PFAS: variants seen among roughly 807,000 people sequenced by gnomAD.
The protein encoded by PFAS is phosphoribosylformylglycinamidine synthase.
A neutral mutation model predicts 140.6 loss-of-function variants in PFAS; 97 were observed. The observed-to-expected ratio is 0.69, with a 90% CI of 0.59 to 0.82. The LOEUF (loss-of-function observed/expected upper bound fraction) is 0.82. Among genes scored for constraint, PFAS ranks in the 40% least tolerant of loss-of-function variants. PFAS has a pLI of 0.00. For synonymous variants in PFAS, 679 were observed against 718.8 expected (o/e 0.94, Z 0.88); for missense variants, 1,656 against 1,780.2 (o/e 0.93, Z 1.26).
At chr17:8,256,234 C>T (rs762966351) in intron 6 of PFAS, 33 bp from the exon 7 acceptor site, 1 of 1,606,660 alleles carries the variant, frequency 6.2e-7, no homozygotes, top group Non-Finnish European at 8.5e-7. Context: ...CCCGTTTCCA[C>T]CTGCCTTCCC....
Position 8,267,320 on chromosome 17 carries a change from G to C in PFAS, c.3176-52G>C. On this transcript the variant is annotated intron_variant, in intron 24 of 27. Coordinates refer to ENST00000314666, the MANE Select transcript of PFAS (RefSeq NM_012393.3). The surrounding 1 kb of genome is among the most constrained non-coding windows in gnomAD (Gnocchi z 4.9). ...CTGCCCTCAGAAAGGTGTCTGGGGA[G>C]TTGGGGTGGGGAAGTGACTTTCTGG... The C allele has an allele frequency of 6.3e-7, 1 of 1,596,200 alleles. No individual in the cohort carries two copies. The highest frequency in any genetic ancestry group is 2.2e-5 in the East Asian group (1 of 44,748).
intron 13 of PFAS, 138 bp downstream of exon 13, chr17:8,263,403 G>C: frequency 1.8e-6 from 2 of 1,119,878 alleles, no homozygotes; most frequent in South Asian, 2.8e-5. Context: ...TTCTAGACAG[G>C]TTCAGGGTTG....
At position 8,268,595 on chromosome 17, in the gene PFAS, C is replaced by T. The variant is rs748046422; in HGVS notation, c.3445C>T (p.Arg1149Trp). 2.4e-5 allele frequency: 38 copies of T among 1,612,984 alleles called. No homozygotes were observed. The highest frequency in any genetic ancestry group is 1.8e-4 in the Middle Eastern group (1 of 5,524). ...GGCTGAGCTGAGGCGCTTCCGGAAGCGGCCAGACACCTTCAGCCTGGGCGT... is the reference window on the plus strand; with the variant it reads ...GGCTGAGCTGAGGCGCTTCCGGAAGTGGCCAGACACCTTCAGCCTGGGCGT... ...AGAELRRFRKRPDTFSLGVCN... is the reference protein window; with the variant it reads ...AGAELRRFRKWPDTFSLGVCN... The change falls in exon 27 of 28, where the codon CGG becomes TGG. Residue 1149 changes from arginine (R) to tryptophan (W), a missense_variant. Physicochemically the swap from Arg to Trp is moderately radical, Grantham distance 101. This residue lies in a region of PFAS where 883 missense variants were observed against 1,023.0 expected (regional missense o/e 0.86). Transcript: ENST00000314666.
rs1405756147 is a variant in PFAS, at chr17:8,256,666, G to C, written c.946+18G>C. On this transcript the variant is annotated intron_variant, in intron 8 of 27. Coordinates refer to ENST00000314666, the MANE Select transcript of PFAS (RefSeq NM_012393.3). The stretch of plus-strand genomic sequence containing the variant: ...TCCCACAGGTGAGCTGGGTTCCCTG[G>C]AGAAATAGGTGAGATCACAGAATAG... 1 of 1,613,606 alleles carries C rather than the reference G, an allele frequency of 6.2e-7. No homozygotes were observed. The highest frequency in any genetic ancestry group is 1.1e-5 in the South Asian group (1 of 91,028).
chr17:8,247,979 C>G, upstream of PFAS: 2 of 1,602,714 alleles, frequency 1.2e-6, no homozygotes, highest in Non-Finnish European at 1.7e-6. Context: ...AAAAAAGGAA[C>G]AAGAGACGTA....
intron 1 of PFAS, 43 bp from the exon 2 acceptor site, chr17:8,253,816 G>A: frequency 7.1e-7 from 1 of 1,410,880 alleles, no homozygotes; most frequent in African/African-American, 1.4e-5. Context: ...TGGGGTTACA[G>A]ATGTGAGCCA....
rs924427287 is a variant in PFAS at position 8,269,637 on chromosome 17, G to GCT, written c.*375_*376dup. ...TCCTTGGCTCTGAGGGATGTTTTGC[G>GCT]CTCCCTTTTCTCATCATTGGGGTTA... On this transcript the variant is annotated 3_prime_UTR_variant, in exon 28 of 28. Coordinates refer to ENST00000314666, the MANE Select transcript of PFAS (RefSeq NM_012393.3). 2.8e-5 allele frequency: 6 copies of GCT among 212,356 alleles called. No homozygotes were observed. Among genetic ancestry groups the GCT allele is most frequent in the Non-Finnish European group, 9.5e-6 (1 of 105,172 alleles). 13.2% of individuals were successfully genotyped at this position (212,356 alleles called of 1,614,324 possible). A position where few individuals can be genotyped will look rare whatever the true frequency, so the allele number is the denominator to read the frequency against.
intron 11 of PFAS, 34 bp from the exon 12 acceptor site, chr17:8,262,886 C>T (rs1448360177): frequency 1.3e-6 from 2 of 1,571,510 alleles, no homozygotes; most frequent in African/African-American, 1.3e-5. Context: ...TCGTGGCTTC[C>T]CCAGTGTTCT....
intron 11 of PFAS, among the ~76,000 whole-genome samples, chr17:8,261,919 C>T (rs888267978): frequency 6.6e-6 from 1 of 151,902 alleles, no homozygotes; most frequent in Non-Finnish European, 1.5e-5. Flanking sequence ...TACCCTGGAG[C>T]CCCCAGGCTT....
In PFAS at chr17:8,267,179, G is replaced by A. The variant is rs1989851389; in HGVS notation, c.3119G>A (p.Gly1040Glu). ...GAACGGGGCCTGAGGGAGCGGATGG[G>A]GCCCAGCTATTGCCTGCCCCCCACC... ...EEERGLRERM[G>E]PSYCLPPTFP... The change falls in exon 24 of 28, where the codon GGG (glycine) becomes GAG (glutamate). Residue 1040 changes from glycine (G) to glutamate (E), a missense_variant. Physicochemically the swap from Gly to Glu is moderately conservative, Grantham distance 98. Transcript: ENST00000314666. The surrounding 1 kb of genome is among the most constrained non-coding windows in gnomAD (Gnocchi z 4.9). The A allele has an allele frequency of 1.9e-6, 3 of 1,607,580 alleles. No homozygotes were observed. Among genetic ancestry groups the A allele is most frequent in the Non-Finnish European group, 2.5e-6 (3 of 1,177,670 alleles).
chr17:8,263,027 G>T (rs747771002), intron 12 of PFAS, 34 bp downstream of exon 12: 1 of 1,610,980 alleles, frequency 6.2e-7, no homozygotes, highest in East Asian at 2.2e-5. Context: ...CAGAATCCTT[G>T]ATATAACCGG....
At chr17:8,250,881 T>G (rs1268800408) in intron 1 of PFAS, among the ~76,000 whole-genome samples, 2 of 152,080 alleles carry the variant, frequency 1.3e-5, no homozygotes, top group Non-Finnish European at 2.9e-5. Context: ...GTGAAAATCA[T>G]TGATTGAAGA....
chr17:8,263,442 GA>G, intron 13 of PFAS, 132 bp from the exon 14 acceptor site: 1 of 1,010,064 alleles, frequency 9.9e-7, no homozygotes, highest in Admixed American at 1.8e-5. Flanking sequence ...GCCGTGGGAT[GA>G]TTGGTGGTAA....
upstream of PFAS, among the ~76,000 whole-genome samples, chr17:8,249,071 A>G (rs1989013606): frequency 6.6e-6 from 1 of 152,234 alleles, no homozygotes; most frequent in South Asian, 2.1e-4. Flanking sequence ...TAACTAACTG[A>G]TGTCATTACT....
intron 11 of PFAS, 72 bp downstream of exon 11, chr17:8,258,271 C>A: frequency 6.5e-7 from 1 of 1,530,558 alleles, no homozygotes; most frequent in South Asian, 1.1e-5. Flanking sequence ...AGGGAGGGAA[C>A]TTAGGGAACA....
upstream of PFAS, chr17:8,247,844 G>A (rs1458231742): frequency 2.5e-5 from 17 of 677,856 alleles, no homozygotes; most frequent in African/African-American, 1.3e-4. Context: ...AACATTCGCA[G>A]AACCAGTAAG....
chr17:8,260,693 C>T (rs751867757), intron 11 of PFAS, among the ~76,000 whole-genome samples: 16 of 152,202 alleles, frequency 1.1e-4, no homozygotes, highest in Non-Finnish European at 1.8e-4. Flanking sequence ...GGCGCTTTCT[C>T]GGCTCACTGC....
In PFAS at chr17:8,255,052, A is replaced by G. The variant is rs1300053339; in HGVS notation, c.304A>G (p.Thr102Ala). The change falls in exon 4 of 28, where the codon ACC becomes GCC. Residue 102 changes from threonine to alanine, a missense_variant. By Grantham distance (58) the Thr-to-Ala change is moderately conservative (BLOSUM62 0). Transcript: ENST00000314666. ...GCTGAACTTCTCCACCCCAACATCCACCAACATCGTGTCAGTGTGCCGCGC... is the reference window on the plus strand; with the variant it reads ...GCTGAACTTCTCCACCCCAACATCCGCCAACATCGTGTCAGTGTGCCGCGC... ...PRLNFSTPTS[T>A]NIVSVCRATG... 6.2e-7 allele frequency: 1 copy of G among 1,613,564 alleles called. No individual in the cohort carries two copies. The highest frequency in any genetic ancestry group is 1.3e-5 in the African/African-American group (1 of 74,804).
chr17:8,268,902 AG>A lies in PFAS; in HGVS notation c.3706+49del, dbSNP rs1363570763. 2.5e-6 allele frequency: 4 copies of A among 1,611,558 alleles called. No homozygotes were observed. The African/African-American group carries it at 5.3e-5, about 22-fold the overall frequency. On this transcript the variant is annotated intron_variant, in intron 27 of 27. Transcript: ENST00000314666. The stretch of plus-strand genomic sequence containing the variant: ...GGGGAGGGCCCGAGGGTTGGGGGCA[AG>A]GGTGGGCATGAAGGACCTTGGCTCT...
Sources: gnomAD v4.1 joint callset for allele counts (sites outside exome capture counted in the v4.1 genomes callset) on GRCh38, gnomAD v4.1.1 for gene constraint, gnomAD v4.1.1 regional missense constraint, Gnocchi (gnomAD v3.1) non-coding constraint, MANE v1.5 for transcripts, NCBI Gene and HGNC (gene_info 2026-07-23, HGNC 2026-07-21) for gene names.